The following CDH20 variants were observed in gnomAD, a reference collection of about 807,000 sequenced individuals.
CDH20 encodes cadherin 20, also known as cadherin-20.
CDH20 carries 29 observed loss-of-function variants against 74.2 expected under a neutral mutation model. The ratio of observed to expected loss-of-function variants is 0.39; its 90% CI spans 0.29 to 0.53. CDH20 has a LOEUF of 0.53. Among genes scored for constraint, CDH20 ranks in the 20% least tolerant of loss-of-function variants. The pLI is 0.69. For missense variants in CDH20, 988 were observed against 1,048.3 expected (o/e 0.94, Z 0.79); for synonymous variants, 469 against 405.4 (o/e 1.16, Z -1.88).
At chr18:61,352,072 C>T (rs550807640) in intron 1 of CDH20, among the ~76,000 whole-genome samples, 21 of 152,284 alleles carry the variant, frequency 1.4e-4, no homozygotes, top group South Asian at 6.2e-4. Context: ...AACAGCTTCT[C>T]GATGCCTCTA....
intron 1 of CDH20, among the ~76,000 whole-genome samples, chr18:61,388,199 GATGGATGAGTAAT>G (rs1246656266): frequency 6.6e-6 from 1 of 152,182 alleles, no homozygotes; most frequent in Non-Finnish European, 1.5e-5. Flanking sequence ...AATGAGCCTT[GATGGATGAGTAAT>G]ATTTTTATCT....
At position 61,365,723 on chromosome 18, in the gene CDH20, C is replaced by T. The variant is rs574872017; in HGVS notation, c.-153+31896C>T. Among the ~76,000 whole-genome samples, 14 of 152,198 alleles carry T rather than the reference C, an allele frequency of 9.2e-5. No individual in the cohort carries two copies. In the South Asian group the frequency reaches 2.9e-3, roughly 32 times the overall value. ...TGTAGTTCTAGTAGGTTTACAGGTT[C>T]CTGGTAATTGAATCCCTAAGCAGGC... On this transcript the variant is annotated intron_variant, in intron 1 of 11. Coordinates refer to ENST00000262717, the MANE Select transcript of CDH20 (RefSeq NM_031891.4).
At chr18:61,520,837 T>C (rs1316510538) in intron 6 of CDH20, among the ~76,000 whole-genome samples, 1 of 151,216 alleles carries the variant, frequency 6.6e-6, no homozygotes, top group African/African-American at 2.5e-5. Flanking sequence ...CCTGAATGAC[T>C]ACTGGGTAAA....
intron 11 of CDH20, among the ~76,000 whole-genome samples, chr18:61,553,547 C>T (rs1229935803): frequency 6.6e-6 from 1 of 152,172 alleles, no homozygotes; most frequent in Non-Finnish European, 1.5e-5. Flanking sequence ...CAGAAAGCCA[C>T]AACCACCTCT....
chr18:61,468,446 G>A (rs35793308), intron 1 of CDH20, among the ~76,000 whole-genome samples: 5,504 of 152,174 alleles, frequency 0.036, 156 homozygotes, highest in Non-Finnish European at 0.055. Flanking sequence ...GTGTGTTTGG[G>A]GAGGGGAAGG....
intron 1 of CDH20, among the ~76,000 whole-genome samples, chr18:61,376,902 A>G (rs1305939578): frequency 2.6e-5 from 4 of 152,100 alleles, no homozygotes; most frequent in Non-Finnish European, 5.9e-5. Flanking sequence ...ATCAGAGGAG[A>G]CAATGAGGTA....
chr18:61,444,889 T>G (rs942326750), intron 1 of CDH20, among the ~76,000 whole-genome samples: 5 of 152,208 alleles, frequency 3.3e-5, no homozygotes, highest in Non-Finnish European at 7.3e-5. Context: ...ACTCATTACT[T>G]TTTAAATCTC....
At chr18:61,456,309 A>G (rs901688037) in intron 1 of CDH20, among the ~76,000 whole-genome samples, 1 of 152,176 alleles carries the variant, frequency 6.6e-6, no homozygotes, top group Non-Finnish European at 1.5e-5. Context: ...TGTTCTCTAC[A>G]TGATTTGGGA....
At chr18:61,455,998 A>T (rs187386706) in intron 1 of CDH20, among the ~76,000 whole-genome samples, 1 of 152,178 alleles carries the variant, frequency 6.6e-6, no homozygotes, top group Non-Finnish European at 1.5e-5. Flanking sequence ...TTTAAGTTTA[A>T]ATCCTGGACC....
intron 1 of CDH20, among the ~76,000 whole-genome samples, chr18:61,334,764 G>A (rs1187759171): frequency 2.0e-5 from 3 of 152,172 alleles, no homozygotes; most frequent in East Asian, 1.9e-4. Context: ...CTGGAAGTGA[G>A]AGGGGATAGT....
intron 8 of CDH20, among the ~76,000 whole-genome samples, chr18:61,536,976 T>C (rs903266017): frequency 2.6e-5 from 4 of 152,154 alleles, no homozygotes; most frequent in African/African-American, 9.7e-5. Context: ...AATATTACTG[T>C]ATGAAAGGAA....
intron 1 of CDH20, among the ~76,000 whole-genome samples, chr18:61,432,145 G>C (rs1568136812): frequency 6.7e-6 from 1 of 150,164 alleles, no homozygotes; most frequent in Non-Finnish European, 1.5e-5. Flanking sequence ...CTACTCGAGA[G>C]ACTGAGGCAG....
At chr18:61,474,904 G>A (rs1910314530) in intron 1 of CDH20, among the ~76,000 whole-genome samples, 1 of 152,142 alleles carries the variant, frequency 6.6e-6, no homozygotes, top group Non-Finnish European at 1.5e-5. Context: ...AAAACATGAA[G>A]AAGGTATTAA....
At chr18:61,365,222 A>G (rs1568112062) in intron 1 of CDH20, among the ~76,000 whole-genome samples, 1 of 152,218 alleles carries the variant, frequency 6.6e-6, no homozygotes, top group Non-Finnish European at 1.5e-5. Context: ...TTACTACTGC[A>G]GCATCTTGGA....
chr18:61,491,876 T>C (rs1301136539), intron 2 of CDH20, among the ~76,000 whole-genome samples: 3 of 151,944 alleles, frequency 2.0e-5, no homozygotes, highest in Non-Finnish European at 4.4e-5. Flanking sequence ...ATCCCGTTTT[T>C]CCTTCTTTTT....
chr18:61,345,070 G>A (rs924530117), intron 1 of CDH20, among the ~76,000 whole-genome samples: 7 of 152,240 alleles, frequency 4.6e-5, no homozygotes, highest in Non-Finnish European at 4.4e-5. Flanking sequence ...TGAGGTTAAC[G>A]TTAACTTTGC....
At chr18:61,466,997 T>G (rs944603343) in intron 1 of CDH20, among the ~76,000 whole-genome samples, 2 of 152,186 alleles carry the variant, frequency 1.3e-5, no homozygotes, top group African/African-American at 4.8e-5. Context: ...GTGTCCATCC[T>G]GTTCCAGTTT....
intron 6 of CDH20, among the ~76,000 whole-genome samples, chr18:61,526,505 C>T: frequency 6.6e-6 from 1 of 152,034 alleles, no homozygotes; most frequent in East Asian, 1.9e-4. Context: ...GCTATGTTGA[C>T]ACACAACTTT....
chr18:61,380,767 C>T (rs759066532), intron 1 of CDH20, among the ~76,000 whole-genome samples: 2 of 152,170 alleles, frequency 1.3e-5, no homozygotes, highest in Non-Finnish European at 2.9e-5. Context: ...CGAGATCGTG[C>T]CACTGCACTC....
Sources: allele counts gnomAD v4.1 joint callset (sites outside exome capture counted in the v4.1 genomes callset), GRCh38; gene constraint gnomAD v4.1.1; transcripts MANE v1.5; gene names NCBI Gene and HGNC (gene_info 2026-07-23, HGNC 2026-07-21).